PPP6R3: variants seen among roughly 807,000 people sequenced by gnomAD.
PPP6R3 encodes serine/threonine-protein phosphatase 6 regulatory subunit 3.
A neutral mutation model predicts 110.7 loss-of-function variants in PPP6R3; 38 were observed. The observed-to-expected ratio is 0.34, with a 90% CI of 0.26 to 0.45. The LOEUF (loss-of-function observed/expected upper bound fraction) is 0.45, where lower values mean the gene tolerates loss of function less well. Ranked by LOEUF, PPP6R3 falls within the 20% of genes least tolerant of loss-of-function variation. PPP6R3 has a pLI of 1.00. For missense variants in PPP6R3, 870 were observed against 1,062.4 expected (o/e 0.82, Z 2.52); for synonymous variants, 369 against 373.5 (o/e 0.99, Z 0.14).
chr11:68,551,500 T>C lies in PPP6R3; in HGVS notation c.618+314T>C, dbSNP rs189371940. On this transcript the variant is annotated intron_variant, in intron 6 of 23. Coordinates refer to ENST00000393800, the MANE Select transcript of PPP6R3 (RefSeq NM_001164161.2). ...TTTATGCTCCTTTTTACTTTTTTTT[T>C]CCCCTTTGAGACGGAGTCTCCCTCT... 4.2e-3 allele frequency among the ~76,000 whole-genome samples: 634 copies of C among 152,240 alleles called. 2 individuals are homozygous for C. Among genetic ancestry groups the C allele is most frequent in the African/African-American group, 0.014 (582 of 41,518 alleles).
At chr11:68,609,771 C>T in intron 22 of PPP6R3, 133 bp from the exon 23 acceptor site, 1 of 1,544,328 alleles carries the variant, frequency 6.5e-7, no homozygotes, top group South Asian at 1.1e-5. Flanking sequence ...GCACCCTGCG[C>T]ATGCTCAGTC....
intron 3 of PPP6R3, among the ~76,000 whole-genome samples, chr11:68,540,696 G>C (rs2099310183): frequency 6.6e-6 from 1 of 151,938 alleles, no homozygotes; most frequent in African/African-American, 2.4e-5. Flanking sequence ...ACCCAGGGGG[G>C]CCAGTTTAGA....
chr11:68,572,694 T>G (rs1176417364), intron 12 of PPP6R3, among the ~76,000 whole-genome samples: 1 of 151,868 alleles, frequency 6.6e-6, no homozygotes, highest in Non-Finnish European at 1.5e-5. Context: ...TACAAAAAAT[T>G]AGCCGGATGT....
At chr11:68,526,714 T>C (rs2099200720) in intron 2 of PPP6R3, among the ~76,000 whole-genome samples, 1 of 152,078 alleles carries the variant, frequency 6.6e-6, no homozygotes, top group Non-Finnish European at 1.5e-5. Context: ...TCCTTATTAC[T>C]TGCCTTTCCC....
intron 14 of PPP6R3, among the ~76,000 whole-genome samples, chr11:68,580,430 C>A (rs76485224): frequency 0.01 from 1,564 of 152,250 alleles, 10 homozygotes; most frequent in African/African-American, 0.012. Flanking sequence ...TGGGGAACTG[C>A]CAGCTGTGAC....
rs569786486 is a variant in PPP6R3, at chr11:68,510,399, G to A, written c.-157-9102G>A. ...GTAGCCCAGGCTGGAGTGCTGTGGC[G>A]CGACACAGTTTACCGTAGCCTCAAC... On this transcript the variant is annotated intron_variant, in intron 1 of 23. Transcript: ENST00000393800. Among the ~76,000 whole-genome samples the A allele has an allele frequency of 4.6e-5, 7 of 151,972 alleles. No homozygotes were observed. The South Asian group carries it at 1.2e-3, about 27-fold the overall frequency.
At chr11:68,466,623 T>C (rs1300540468) in intron 1 of PPP6R3, among the ~76,000 whole-genome samples, 1 of 151,306 alleles carries the variant, frequency 6.6e-6, no homozygotes, top group Non-Finnish European at 1.5e-5. Flanking sequence ...TATTTATTTA[T>C]TTATTTTGAG....
At position 68,466,292 on chromosome 11, in the gene PPP6R3, T is replaced by G. The variant is rs111748913; in HGVS notation, c.-158+5465T>G. Among the ~76,000 whole-genome samples, 527 of 152,290 alleles carry G rather than the reference T, an allele frequency of 3.5e-3. 8 individuals carry two copies. The highest frequency in any genetic ancestry group is 0.012 in the African/African-American group (504 of 41,554). On this transcript the variant is annotated intron_variant, in intron 1 of 23. Coordinates refer to ENST00000393800, the MANE Select transcript of PPP6R3 (RefSeq NM_001164161.2). ...AGATAGTTGCTAGTTAGATCAATACTCAGTTTATTTCAGGTATTGAAAGAT... is the reference window on the plus strand; with the variant it reads ...AGATAGTTGCTAGTTAGATCAATACGCAGTTTATTTCAGGTATTGAAAGAT...
At chr11:68,526,487 A>G (rs975423087) in intron 2 of PPP6R3, among the ~76,000 whole-genome samples, 2 of 152,004 alleles carry the variant, frequency 1.3e-5, no homozygotes, top group Non-Finnish European at 2.9e-5. Flanking sequence ...AAAGTGATCC[A>G]CCTACCACTG....
chr11:68,463,468 A>G (rs187581080), intron 1 of PPP6R3, among the ~76,000 whole-genome samples: 6 of 151,246 alleles, frequency 4.0e-5, no homozygotes, highest in African/African-American at 9.7e-5. Context: ...TTTTATTTCT[A>G]TGACAACTTC....
chr11:68,461,206 C>A (rs1188510314), intron 1 of PPP6R3, among the ~76,000 whole-genome samples: 1 of 151,338 alleles, frequency 6.6e-6, no homozygotes, highest in Admixed American at 6.6e-5. Context: ...TCTCGCCCCC[C>A]GCCCGGCCCG....
intron 14 of PPP6R3, among the ~76,000 whole-genome samples, chr11:68,581,014 G>A (rs1026804530): frequency 6.6e-6 from 1 of 151,890 alleles, no homozygotes; most frequent in Non-Finnish European, 1.5e-5. Context: ...CTCGTGATCC[G>A]CCCGCCTCGG....
At chr11:68,610,758 G>A (rs1040326080) in intron 23 of PPP6R3, among the ~76,000 whole-genome samples, 1 of 152,138 alleles carries the variant, frequency 6.6e-6, no homozygotes, top group Non-Finnish European at 1.5e-5. Flanking sequence ...ATCAACTTCT[G>A]TGAACAAATG....
intron 1 of PPP6R3, among the ~76,000 whole-genome samples, chr11:68,463,355 GAAAAAAAA>G (rs1156285158): frequency 0.011 from 578 of 54,630 alleles, 15 homozygotes; most frequent in African/African-American, 0.036. Context: ...CTCAGTCTCA[GAAAAAAAA>G]AAAAAAAAAA....
In PPP6R3 at chr11:68,615,126, A is replaced by G. The variant is rs574107030; in HGVS notation, c.*2009A>G. The G allele has an allele frequency of 1.8e-4, 83 of 458,346 alleles. 2 individuals carry two copies. The highest frequency in any genetic ancestry group is 1.1e-3 in the South Asian group (72 of 64,584). The allele number at this position is 458,346 out of a possible 1,614,324, so 28.4% of individuals were successfully genotyped here. The stretch of plus-strand genomic sequence containing the variant: ...GGCATCATTTTGTTTTGTCTTTCGT[A>G]GCAGGGAAAGGATATGACAATGGGG... On this transcript the variant is annotated 3_prime_UTR_variant, in exon 24 of 24. Coordinates refer to ENST00000393800, the MANE Select transcript of PPP6R3 (RefSeq NM_001164161.2).
intron 18 of PPP6R3, among the ~76,000 whole-genome samples, chr11:68,593,770 G>C (rs1308000488): frequency 6.6e-6 from 1 of 152,170 alleles, no homozygotes; most frequent in Non-Finnish European, 1.5e-5. Context: ...TAGAATCCCA[G>C]CACTTTGGTT....
chr11:68,464,773 A>G (rs1420634448), intron 1 of PPP6R3, among the ~76,000 whole-genome samples: 1 of 152,058 alleles, frequency 6.6e-6, no homozygotes, highest in Non-Finnish European at 1.5e-5. Flanking sequence ...AGATATTTAG[A>G]GTTTGCTTCT....
intron 3 of PPP6R3, among the ~76,000 whole-genome samples, chr11:68,541,654 A>G (rs1192060468): frequency 6.6e-6 from 1 of 152,168 alleles, no homozygotes; most frequent in Non-Finnish European, 1.5e-5. Context: ...TAAAGCCACA[A>G]GGCTGAATGA....
At chr11:68,545,075 G>A in intron 4 of PPP6R3, 51 bp downstream of exon 4, 2 of 1,411,912 alleles carry the variant, frequency 1.4e-6, no homozygotes, top group South Asian at 1.3e-5. Flanking sequence ...ATCCCCTTGA[G>A]GTGATCCCCC....
Sources: allele counts gnomAD v4.1 joint callset (sites outside exome capture counted in the v4.1 genomes callset), GRCh38; gene constraint gnomAD v4.1.1; transcripts MANE v1.5; gene names NCBI Gene and HGNC (gene_info 2026-07-23, HGNC 2026-07-21).